The following ZNF407 variants were observed in gnomAD, a reference collection of about 807,000 sequenced individuals.
ZNF407 encodes zinc finger protein 407.
ZNF407 carries 17 observed loss-of-function variants against 131.2 expected under a neutral mutation model. The observed-to-expected ratio is 0.13, with a 90% CI of 0.09 to 0.19. The LOEUF is 0.19. Ranked by LOEUF, ZNF407 falls within the 10% of genes least tolerant of loss-of-function variation. The pLI is 1.00. For missense variants in ZNF407, 2,681 were observed against 2,830.6 expected, an observed-to-expected ratio of 0.95 and a Z score of 1.20; for synonymous variants, 1,156 against 1,062.0, an observed-to-expected ratio of 1.09 and a Z score of -1.72.
chr18:74,613,343 T>C (rs1478214866), intron 1 of ZNF407, among the ~76,000 whole-genome samples: 6 of 152,240 alleles, frequency 3.9e-5, no homozygotes. Context: ...GCCATCATAT[T>C]ATAGTCACTC....
Position 74,823,250 on chromosome 18 carries a change from C to T in ZNF407, c.4877+41748C>T, listed in dbSNP as rs569689663. On this transcript the variant is annotated intron_variant, in intron 4 of 8. Transcript: ENST00000299687. ...AAGGAACAACCAGTACCAGCCACTG[C>T]AAAAACATAGGAAATTGTAAAGACT... Among the ~76,000 whole-genome samples the T allele has an allele frequency of 4.9e-4, 74 of 152,258 alleles. 1 individual carries two copies. The highest frequency in any genetic ancestry group is 3.4e-3 in the Middle Eastern group (1 of 294).
At chr18:74,742,647 T>G (rs1968576787) in intron 3 of ZNF407, among the ~76,000 whole-genome samples, 1 of 152,182 alleles carries the variant, frequency 6.6e-6, no homozygotes, top group Admixed American at 6.5e-5. Context: ...GATAGAGTAT[T>G]TTTTAGAAAT....
In ZNF407 at chr18:74,631,772, T is replaced by C. The variant is rs750584810; in HGVS notation, c.753T>C (p.Phe251=). 7 of 1,614,082 alleles carry C rather than the reference T, an allele frequency of 4.3e-6. No individual in the cohort carries two copies. The South Asian group carries it at 7.7e-5, about 18-fold the overall frequency. ...TCTTTTCCTGTGATCTTTGTGGTTT[T>C]CAGTGTTCAGAAGAAAACTTGTTGA... is the stretch of plus-strand genomic sequence containing the variant. ...QKVFSCDLCG[F]QCSEENLLNA... The change falls in exon 2 of 9, where the codon TTT becomes TTC. Residue 251 remains phenylalanine (F), a synonymous_variant. Transcript: ENST00000299687.
chr18:74,618,946 T>C (rs1983418296), intron 1 of ZNF407, among the ~76,000 whole-genome samples: 2 of 152,240 alleles, frequency 1.3e-5, no homozygotes, highest in African/African-American at 4.8e-5. Context: ...TATTGGCATA[T>C]AGAATTACAG....
At chr18:74,630,121 A>G (rs1372665870) in intron 1 of ZNF407, among the ~76,000 whole-genome samples, 1 of 150,904 alleles carries the variant, frequency 6.6e-6, no homozygotes, top group Non-Finnish European at 1.5e-5. Context: ...TAGAAAAATC[A>G]TGGTAAAGCT....
At chr18:75,044,135 G>A (rs532617033) in intron 8 of ZNF407, among the ~76,000 whole-genome samples, 5 of 152,042 alleles carry the variant, frequency 3.3e-5, no homozygotes, top group African/African-American at 9.6e-5. Flanking sequence ...GACCTCTTCC[G>A]ACATCTTTAG....
At chr18:74,704,422 G>A (rs555063216) in intron 3 of ZNF407, among the ~76,000 whole-genome samples, 6 of 152,114 alleles carry the variant, frequency 3.9e-5, no homozygotes, top group Non-Finnish European at 7.4e-5. Flanking sequence ...GAAAAAGGCC[G>A]GTTCAGTAGA....
At chr18:74,842,189 A>G (rs923479109) in intron 4 of ZNF407, among the ~76,000 whole-genome samples, 6 of 151,970 alleles carry the variant, frequency 3.9e-5, no homozygotes, top group Admixed American at 6.6e-5. Flanking sequence ...TACCTTATTC[A>G]TGGCTAAATT....
At chr18:74,977,784 A>C (rs995172077) in intron 8 of ZNF407, among the ~76,000 whole-genome samples, 1 of 152,192 alleles carries the variant, frequency 6.6e-6, no homozygotes, top group Non-Finnish European at 1.5e-5. Context: ...GACTCGGAGT[A>C]AGTTACTAGT....
chr18:75,006,096 A>T (rs1239876616), intron 8 of ZNF407, among the ~76,000 whole-genome samples: 2 of 152,046 alleles, frequency 1.3e-5, no homozygotes, highest in Non-Finnish European at 2.9e-5. Context: ...GTCTTGGAGG[A>T]GGTGTCTTCA....
At chr18:74,943,137 C>T (rs992329039) in intron 8 of ZNF407, among the ~76,000 whole-genome samples, 7 of 152,112 alleles carry the variant, frequency 4.6e-5, no homozygotes, top group South Asian at 2.1e-4. Flanking sequence ...AGGATGGTCT[C>T]GATCTCCTGA....
chr18:74,804,367 G>A lies in ZNF407; in HGVS notation c.4877+22865G>A, dbSNP rs934521583. ...AGCTGACTGTCCAATCAAAGTTTTTGTAAGCATGCCATGTGACAAATGCCT... is the reference window on the plus strand; with the variant it reads ...AGCTGACTGTCCAATCAAAGTTTTTATAAGCATGCCATGTGACAAATGCCT... On this transcript the variant is annotated intron_variant, in intron 4 of 8. Coordinates refer to ENST00000299687, the MANE Select transcript of ZNF407 (RefSeq NM_017757.3). 73 of 1,037,808 alleles carry A rather than the reference G, an allele frequency of 7.0e-5. No individual in the cohort carries two copies. In the African/African-American group the frequency reaches 1.1e-3, roughly 15 times the overall value. The allele number at this position is 1,037,808 out of a possible 1,614,324, so 64.3% of individuals were successfully genotyped here.
chr18:74,914,712 C>A (rs567666678), intron 7 of ZNF407, among the ~76,000 whole-genome samples: 36 of 152,256 alleles, frequency 2.4e-4, no homozygotes, highest in African/African-American at 8.7e-4. Flanking sequence ...GGGGAATGGA[C>A]CCGGCTGCCT....
At chr18:74,827,179 T>A (rs1247335554) in intron 4 of ZNF407, among the ~76,000 whole-genome samples, 1 of 152,208 alleles carries the variant, frequency 6.6e-6, no homozygotes. Flanking sequence ...TGATGTTTTC[T>A]TATTGTTAGA....
chr18:75,052,621 G>A (rs994502622), intron 8 of ZNF407, among the ~76,000 whole-genome samples: 16 of 152,212 alleles, frequency 1.1e-4, no homozygotes, highest in Admixed American at 8.5e-4. Flanking sequence ...ATGTTAAGTG[G>A]GCAACTGGTT....
intron 3 of ZNF407, among the ~76,000 whole-genome samples, chr18:74,713,465 A>G (rs1032079906): frequency 8.6e-5 from 13 of 151,770 alleles, no homozygotes; most frequent in African/African-American, 2.9e-4. Flanking sequence ...ATCATTAAAT[A>G]ACAGAGATTT....
At chr18:74,787,877 T>C (rs1969750325) in intron 4 of ZNF407, among the ~76,000 whole-genome samples, 1 of 152,224 alleles carries the variant, frequency 6.6e-6, no homozygotes, top group Non-Finnish European at 1.5e-5. Flanking sequence ...AAAAGTTACA[T>C]GTTTATTGTG....
chr18:74,854,179 A>G (rs1344101646), intron 4 of ZNF407, among the ~76,000 whole-genome samples: 1 of 152,154 alleles, frequency 6.6e-6, no homozygotes, highest in East Asian at 1.9e-4. Context: ...TTTTATGACT[A>G]AAAGAGTCCT....
At chr18:74,755,456 C>G (rs565597591) in intron 3 of ZNF407, among the ~76,000 whole-genome samples, 1 of 152,174 alleles carries the variant, frequency 6.6e-6, no homozygotes, top group Admixed American at 6.5e-5. Flanking sequence ...TCTTGGCATT[C>G]TTGTCACAAT....
Sources: gnomAD v4.1 joint callset for allele counts (sites outside exome capture counted in the v4.1 genomes callset) on GRCh38, gnomAD v4.1.1 for gene constraint, MANE v1.5 for transcripts, NCBI Gene and HGNC (gene_info 2026-07-23, HGNC 2026-07-21) for gene names.